ADAM22: variants seen among roughly 807,000 people sequenced by gnomAD.
ADAM22 encodes ADAM metallopeptidase domain 22.
Under a neutral mutation model 144.6 loss-of-function variants are expected in ADAM22, and 65 were observed. The observed-to-expected ratio is 0.45, with a 90% CI of 0.37 to 0.55. ADAM22 has a LOEUF of 0.55. Among genes scored for constraint, ADAM22 ranks in the 20% least tolerant of loss-of-function variants. The probability of loss-of-function intolerance (pLI) is 0.00; values close to 1 mark genes in which losing one functional copy is unlikely to be tolerated. For synonymous variants in ADAM22, 391 were observed against 412.6 expected, an observed-to-expected ratio of 0.95 and a Z score of 0.63; for missense variants, 974 against 1,184.9, an observed-to-expected ratio of 0.82 and a Z score of 2.61.
At chr7:87,980,325 T>C (rs981190635) in intron 3 of ADAM22, among the ~76,000 whole-genome samples, 15 of 141,146 alleles carry the variant, frequency 1.1e-4, no homozygotes, top group Non-Finnish European at 9.1e-5. Flanking sequence ...TAAACATAGG[T>C]GGCAGGTGGC....
chr7:87,934,451 G>T lies in ADAM22; in HGVS notation c.-15G>T. ...GAGCTGAGCGTCTCGGGCGAGGCGG[G>T]CTGACGGCAGCACCATGCAGGCGGC... On this transcript the variant is annotated 5_prime_UTR_variant, in exon 1 of 32. Coordinates refer to ENST00000413139, the MANE Select transcript of ADAM22 (RefSeq NM_001324418.2). 6.3e-7 allele frequency: 1 copy of T among 1,581,530 alleles called. No individual in the cohort carries two copies. Among genetic ancestry groups the T allele is most frequent in the Non-Finnish European group, 8.6e-7 (1 of 1,169,014 alleles).
At chr7:88,128,581 G>A in intron 8 of ADAM22, 21 bp from the exon 9 acceptor site, 1 of 1,601,774 alleles carries the variant, frequency 6.2e-7, no homozygotes, top group East Asian at 2.2e-5. Context: ...ATTAGGTGCT[G>A]TTTCCTTTCC....
intron 17 of ADAM22, among the ~76,000 whole-genome samples, chr7:88,147,369 G>A (rs932734684): frequency 5.9e-5 from 9 of 152,218 alleles, no homozygotes; most frequent in Non-Finnish European, 1.3e-4. Flanking sequence ...ATTTATAATA[G>A]TGTATCTATA....
intron 2 of ADAM22, among the ~76,000 whole-genome samples, chr7:87,954,174 A>G (rs1190865694): frequency 1.3e-5 from 2 of 150,674 alleles, no homozygotes; most frequent in African/African-American, 4.9e-5. Context: ...TGTGAATTTG[A>G]TCCTTTTATT....
Position 88,116,755 on chromosome 7 carries a change from AT to A in ADAM22, c.552del (p.His185IlefsTer23), listed in dbSNP as rs1421677676. 1 of 1,613,210 alleles carries A rather than the reference AT, an allele frequency of 6.2e-7. No individual in the cohort carries two copies. Among genetic ancestry groups the A allele is most frequent in the Non-Finnish European group, 8.5e-7 (1 of 1,179,404 alleles). ...EENDTTQEDF[H>X]FHSVYKSRLF... ...CTTGTGTCATTTCAGGAGGATTTCCATTTTCATTCAGTTTACAAATCCAGAC... is the reference window on the plus strand; with the variant it reads ...CTTGTGTCATTTCAGGAGGATTTCCATTTCATTCAGTTTACAAATCCAGAC... On this transcript the variant is annotated frameshift_variant, in exon 7 of 32. Transcript: ENST00000413139. LOFTEE classifies it high-confidence loss of function.
intron 7 of ADAM22, among the ~76,000 whole-genome samples, chr7:88,124,105 G>C (rs1486551548): frequency 6.6e-6 from 1 of 151,784 alleles, no homozygotes; most frequent in Non-Finnish European, 1.5e-5. Flanking sequence ...ATTGGGTAAA[G>C]TGTTAAAAAT....
intron 4 of ADAM22, among the ~76,000 whole-genome samples, chr7:88,076,044 C>G (rs890733128): frequency 6.6e-6 from 1 of 152,054 alleles, no homozygotes; most frequent in Admixed American, 6.6e-5. Flanking sequence ...GACAAAGTCT[C>G]GCTCTTGTCG....
Position 88,028,827 on chromosome 7 carries a change from G to T in ADAM22, c.324-46799G>T, listed in dbSNP as rs1039893064. ...GTCTGACATAAGTATAGCTACTCCT[G>T]CTCACTTGTAGTTTGTATTTGCATG... On this transcript the variant is annotated intron_variant, in intron 3 of 31. Transcript: ENST00000413139. Among the ~76,000 whole-genome samples the T allele has an allele frequency of 2.6e-5, 4 of 151,996 alleles. No homozygotes were observed. In the South Asian group the frequency reaches 8.3e-4, roughly 32 times the overall value.
intron 4 of ADAM22, among the ~76,000 whole-genome samples, chr7:88,101,351 A>G (rs1471668968): frequency 1.3e-5 from 2 of 152,156 alleles, no homozygotes; most frequent in African/African-American, 2.4e-5. Flanking sequence ...GGAGAAGGCT[A>G]TGATTCAGTG....
Position 88,197,416 on chromosome 7 carries a change from C to G in ADAM22, c.*925C>G, listed in dbSNP as rs1850798922. 1 of 152,216 alleles carries G rather than the reference C, an allele frequency of 6.6e-6. No individual in the cohort carries two copies. Among genetic ancestry groups the G allele is most frequent in the Non-Finnish European group, 1.5e-5 (1 of 68,062 alleles). 9.4% of individuals were successfully genotyped at this position (152,216 alleles called of 1,614,324 possible). A position where few individuals can be genotyped will look rare whatever the true frequency, so the allele number is the denominator to read the frequency against. On this transcript the variant is annotated 3_prime_UTR_variant, in exon 32 of 32. Transcript: ENST00000413139. The stretch of plus-strand genomic sequence containing the variant: ...TTCTGGCCTCCACAGTTTGCTGATG[C>G]AGGAGCCCACTCTGCTGCCGATGGG...
intron 30 of ADAM22, among the ~76,000 whole-genome samples, chr7:88,189,752 T>C (rs1188538022): frequency 6.6e-6 from 1 of 152,110 alleles, no homozygotes; most frequent in African/African-American, 2.4e-5. Context: ...AAGACCATCC[T>C]GGCCAACATG....
chr7:88,022,809 G>GA (rs1323527420), intron 3 of ADAM22, among the ~76,000 whole-genome samples: 3 of 151,932 alleles, frequency 2.0e-5, no homozygotes, highest in Non-Finnish European at 4.4e-5. Context: ...ATTTTTCTGA[G>GA]AAAAAAACTA....
chr7:88,110,004 A>T (rs1825590455), intron 5 of ADAM22, among the ~76,000 whole-genome samples: 1 of 152,202 alleles, frequency 6.6e-6, no homozygotes, highest in Non-Finnish European at 1.5e-5. Context: ...AAAGAATATA[A>T]GTGTAAGTTA....
At chr7:88,018,010 A>G (rs1341722877) in intron 3 of ADAM22, among the ~76,000 whole-genome samples, 1 of 152,144 alleles carries the variant, frequency 6.6e-6, no homozygotes, top group Non-Finnish European at 1.5e-5. Context: ...CCATTGAGTT[A>G]CTAGTTCATC....
intron 14 of ADAM22, among the ~76,000 whole-genome samples, chr7:88,141,346 C>G (rs1414228340): frequency 6.6e-6 from 1 of 152,122 alleles, no homozygotes; most frequent in East Asian, 1.9e-4. Flanking sequence ...AACTTAAACC[C>G]AAGACAGCTT....
intron 26 of ADAM22, among the ~76,000 whole-genome samples, chr7:88,178,223 C>A (rs1457156417): frequency 6.6e-6 from 1 of 152,142 alleles, no homozygotes; most frequent in Admixed American, 6.5e-5. Context: ...AGGTCACCCA[C>A]CAACTACCTA....
At chr7:88,053,000 A>G (rs534805114) in intron 3 of ADAM22, among the ~76,000 whole-genome samples, 1 of 152,200 alleles carries the variant, frequency 6.6e-6, no homozygotes, top group South Asian at 2.1e-4. Context: ...TTATATGGGT[A>G]TAGGTACAGA....
chr7:87,940,794 G>C (rs1320690090), intron 2 of ADAM22, among the ~76,000 whole-genome samples: 2 of 152,124 alleles, frequency 1.3e-5, no homozygotes, highest in Admixed American at 1.3e-4. Context: ...AATATTGAGA[G>C]CCTTTCTTCT....
At chr7:87,938,145 T>C (rs1177252688) in intron 2 of ADAM22, among the ~76,000 whole-genome samples, 1 of 152,042 alleles carries the variant, frequency 6.6e-6, no homozygotes, top group Non-Finnish European at 1.5e-5. Flanking sequence ...TTATGGCCCT[T>C]GTTATTTCTC....
Sources: gnomAD v4.1 joint callset for allele counts (sites outside exome capture counted in the v4.1 genomes callset) on GRCh38, gnomAD v4.1.1 for gene constraint, MANE v1.5 for transcripts, NCBI Gene and HGNC (gene_info 2026-07-23, HGNC 2026-07-21) for gene names.